DPYD: variants seen among roughly 807,000 people sequenced by gnomAD.
DPYD encodes the protein dihydropyrimidine dehydrogenase.
In DPYD, 109 loss-of-function variants were observed where a neutral mutation model predicts 116.2. That is an observed-to-expected ratio of 0.94 (90% CI 0.80 to 1.10). The LOEUF (loss-of-function observed/expected upper bound fraction) is 1.10, where lower values mean the gene tolerates loss of function less well. DPYD is among the 50% of genes least tolerant of loss of function. The probability of loss-of-function intolerance (pLI) is 0.00; values close to 1 mark genes in which losing one functional copy is unlikely to be tolerated. For missense variants in DPYD, 1,302 were observed against 1,254.5 expected (o/e 1.04, Z -0.57); for synonymous variants, 440 against 432.0 (o/e 1.02, Z -0.23).
chr1:97,629,003 TAAC>T (rs1388919432), intron 8 of DPYD, among the ~76,000 whole-genome samples: 5 of 152,064 alleles, frequency 3.3e-5, no homozygotes, highest in Non-Finnish European at 7.4e-5. Context: ...TCATATGATT[TAAC>T]ATGTGCAGCA....
At chr1:97,331,127 T>A (rs2101159698) in intron 16 of DPYD, among the ~76,000 whole-genome samples, 1 of 152,198 alleles carries the variant, frequency 6.6e-6, no homozygotes, top group Middle Eastern at 3.4e-3. Flanking sequence ...TTAGGATAAC[T>A]CTTAGCCAAG....
At chr1:97,749,493 T>G (rs1664750928) in intron 3 of DPYD, among the ~76,000 whole-genome samples, 1 of 152,190 alleles carries the variant, frequency 6.6e-6, no homozygotes, top group African/African-American at 2.4e-5. Context: ...AAGAATTCAG[T>G]TAAGAGTTTT....
intron 5 of DPYD, among the ~76,000 whole-genome samples, chr1:97,705,068 C>T (rs1418611725): frequency 1.3e-5 from 2 of 151,910 alleles, no homozygotes; most frequent in African/African-American, 2.4e-5. Flanking sequence ...GGTAAGAAAC[C>T]TGTGGTCAGG....
chr1:97,743,069 T>G (rs1234381292), intron 3 of DPYD, among the ~76,000 whole-genome samples: 1 of 152,282 alleles, frequency 6.6e-6, no homozygotes, highest in Admixed American at 6.6e-5. Flanking sequence ...CAGAGAAATC[T>G]TATATTCAAC....
At chr1:97,889,555 A>G (rs917160490) in intron 1 of DPYD, among the ~76,000 whole-genome samples, 1 of 152,046 alleles carries the variant, frequency 6.6e-6, no homozygotes, top group African/African-American at 2.4e-5. Flanking sequence ...TAAAGGCTCA[A>G]TCTACCAGGA....
chr1:97,219,808 TTC>T (rs199805877), intron 19 of DPYD, among the ~76,000 whole-genome samples: 1,716 of 152,242 alleles, frequency 0.011, 36 homozygotes, highest in African/African-American at 0.039. Context: ...TTGGAGACAC[TTC>T]ACTCCTCAAG....
intron 6 of DPYD, among the ~76,000 whole-genome samples, chr1:97,692,306 C>A (rs1195244744): frequency 1.3e-5 from 2 of 151,810 alleles, no homozygotes; most frequent in Non-Finnish European, 2.9e-5. Flanking sequence ...TAGAATATTA[C>A]AAAATCAGTT....
At chr1:97,741,337 T>C (rs1664260993) in intron 3 of DPYD, among the ~76,000 whole-genome samples, 1 of 152,122 alleles carries the variant, frequency 6.6e-6, no homozygotes, top group Non-Finnish European at 1.5e-5. Flanking sequence ...CTGACTCTCC[T>C]CTCCGGGGGA....
intron 13 of DPYD, among the ~76,000 whole-genome samples, chr1:97,475,759 C>T (rs1677925319): frequency 6.6e-6 from 1 of 152,096 alleles, no homozygotes; most frequent in South Asian, 2.1e-4. Context: ...GGCCTGTGCA[C>T]CTTGGTTTGC....
chr1:97,309,574 TTG>T (rs1203389762), intron 16 of DPYD, among the ~76,000 whole-genome samples: 1 of 151,634 alleles, frequency 6.6e-6, no homozygotes, highest in Non-Finnish European at 1.5e-5. Context: ...CAGAGCAGAC[TTG>T]TGAAGTGCTG....
chr1:97,253,866 T>C (rs1663270639), intron 18 of DPYD, among the ~76,000 whole-genome samples: 1 of 152,110 alleles, frequency 6.6e-6, no homozygotes, highest in South Asian at 2.1e-4. Context: ...CCTATATTAT[T>C]TGGGAAAAAC....
At chr1:97,200,499 A>G (rs2101842658) in intron 19 of DPYD, among the ~76,000 whole-genome samples, 1 of 152,310 alleles carries the variant, frequency 6.6e-6, no homozygotes, top group Non-Finnish European at 1.5e-5. Flanking sequence ...TATATGAAAC[A>G]CTGAATAAGA....
intron 16 of DPYD, among the ~76,000 whole-genome samples, chr1:97,365,506 A>G (rs1033271783): frequency 6.6e-6 from 1 of 152,200 alleles, no homozygotes; most frequent in African/African-American, 2.4e-5. Context: ...GAATTCTGCT[A>G]TATTTCTCAA....
chr1:97,680,614 G>T (rs896950604), intron 7 of DPYD, among the ~76,000 whole-genome samples: 3 of 152,084 alleles, frequency 2.0e-5, no homozygotes, highest in African/African-American at 7.2e-5. Context: ...TTTTGCCTTA[G>T]GGATATGTCA....
At chr1:97,479,948 T>G (rs544787811) in intron 13 of DPYD, among the ~76,000 whole-genome samples, 49 of 152,328 alleles carry the variant, frequency 3.2e-4, no homozygotes, top group Admixed American at 5.9e-4. Context: ...ACCATTTGAC[T>G]TACATCTGGC....
intron 8 of DPYD, among the ~76,000 whole-genome samples, chr1:97,596,753 A>C (rs1016452314): frequency 6.6e-6 from 1 of 152,242 alleles, no homozygotes; most frequent in Non-Finnish European, 1.5e-5. Flanking sequence ...GCCTGTAATC[A>C]GCAATAAACC....
intron 4 of DPYD, among the ~76,000 whole-genome samples, chr1:97,727,335 G>A (rs1663322343): frequency 6.6e-6 from 1 of 151,646 alleles, no homozygotes; most frequent in Non-Finnish European, 1.5e-5. Flanking sequence ...ATTTGGCTGA[G>A]GTAATTCATT....
chr1:97,416,194 G>T (rs1166064306), intron 14 of DPYD, among the ~76,000 whole-genome samples: 1 of 152,046 alleles, frequency 6.6e-6, no homozygotes, highest in African/African-American at 2.4e-5. Flanking sequence ...TTTATAAAAA[G>T]GGCAATCTAA....
At chr1:97,421,545 A>G (rs1176427162) in intron 14 of DPYD, among the ~76,000 whole-genome samples, 1 of 152,196 alleles carries the variant, frequency 6.6e-6, no homozygotes, top group Non-Finnish European at 1.5e-5. Flanking sequence ...TTTATTGCCT[A>G]ATCCAGAGAA....
Sources: allele counts gnomAD v4.1 joint callset (sites outside exome capture counted in the v4.1 genomes callset), GRCh38; gene constraint gnomAD v4.1.1; transcripts MANE v1.5; gene names NCBI Gene and HGNC (gene_info 2026-07-23, HGNC 2026-07-21).